PLCB1: variants seen among roughly 807,000 people sequenced by gnomAD.
PLCB1 encodes the protein phospholipase C beta 1.
PLCB1 carries 46 observed loss-of-function variants against 161.8 expected under a neutral mutation model. That is an observed-to-expected ratio of 0.28 (90% CI 0.22 to 0.36). The LOEUF is 0.36. Ranked by LOEUF, PLCB1 falls within the 10% of genes least tolerant of loss-of-function variation. PLCB1 has a pLI of 1.00. For missense variants in PLCB1, 1,016 were observed against 1,472.5 expected, an observed-to-expected ratio of 0.69 and a Z score of 5.07; for synonymous variants, 517 against 503.7, an observed-to-expected ratio of 1.03 and a Z score of -0.35.
chr20:8,715,463 C>G (rs1979254476), intron 12 of PLCB1, among the ~76,000 whole-genome samples: 1 of 152,206 alleles, frequency 6.6e-6, no homozygotes, highest in African/African-American at 2.4e-5. Context: ...CACCCTCTGT[C>G]CCTTTCCAAG....
At chr20:8,815,165 T>C (rs1444047255) in intron 31 of PLCB1, among the ~76,000 whole-genome samples, 1 of 152,218 alleles carries the variant, frequency 6.6e-6, no homozygotes, top group Non-Finnish European at 1.5e-5. Context: ...CCTTCCTTTA[T>C]TCATTTTCAG....
rs568050549 is a variant in PLCB1, at chr20:8,147,129, G to A, written c.100-3165G>A. Among the ~76,000 whole-genome samples the A allele has an allele frequency of 2.0e-5, 3 of 152,200 alleles. No homozygotes were observed. In the East Asian group the frequency reaches 5.8e-4, roughly 30 times the overall value. ...CCTACATCCGTGGTTTTGTAAGTGT[G>A]GCCCCTGGACCAACAGCATCAGCAT... On this transcript the variant is annotated intron_variant, in intron 1 of 31. Coordinates refer to ENST00000338037, the MANE Select transcript of PLCB1 (RefSeq NM_015192.4).
chr20:8,375,744 T>A (rs1237613899), intron 3 of PLCB1, among the ~76,000 whole-genome samples: 1 of 152,076 alleles, frequency 6.6e-6, no homozygotes, highest in Non-Finnish European at 1.5e-5. Flanking sequence ...TCTGCTGGCA[T>A]CTCTACTTCC....
chr20:8,497,786 G>A (rs1983238598), intron 3 of PLCB1, among the ~76,000 whole-genome samples: 2 of 152,122 alleles, frequency 1.3e-5, no homozygotes, highest in Admixed American at 1.3e-4. Flanking sequence ...TATGGAAAAG[G>A]TATCTAAATT....
At chr20:8,878,706 T>A (rs1396031740) in intron 31 of PLCB1, among the ~76,000 whole-genome samples, 1 of 152,150 alleles carries the variant, frequency 6.6e-6, no homozygotes, top group Non-Finnish European at 1.5e-5. Flanking sequence ...ATACCATTTT[T>A]ATTTTTATTT....
At chr20:8,720,200 G>A (rs1303719779) in intron 14 of PLCB1, among the ~76,000 whole-genome samples, 1 of 152,122 alleles carries the variant, frequency 6.6e-6, no homozygotes, top group African/African-American at 2.4e-5. Context: ...GGGTGCTTGT[G>A]TTTTTTACCA....
At chr20:8,184,083 C>T (rs1313509838) in intron 2 of PLCB1, among the ~76,000 whole-genome samples, 2 of 151,912 alleles carry the variant, frequency 1.3e-5, no homozygotes, top group Non-Finnish European at 2.9e-5. Flanking sequence ...AAATGGACTC[C>T]AGATACCTTC....
chr20:8,406,194 G>A (rs1269759665), intron 3 of PLCB1, among the ~76,000 whole-genome samples: 1 of 152,130 alleles, frequency 6.6e-6, no homozygotes, highest in African/African-American at 2.4e-5. Context: ...TATGTGGATA[G>A]AGTAATTGAA....
In PLCB1 at chr20:8,733,366, A is replaced by G. The variant is rs760229674; in HGVS notation, c.2017A>G (p.Ile673Val). The part of the protein sequence containing the change: ...DPFTEGIVDG[I>V]VANTLSVKII... ...ATTTACTGAAGGCATCGTAGATGGG[A>G]TAGTGGCAAACACTTTGTCTGTTAA... Residue 673 changes from isoleucine to valine, a missense_variant, in exon 19 of 32, where the codon ATA becomes GTA. Physicochemically the swap from Ile to Val is conservative, Grantham distance 29 (BLOSUM62 3). Transcript: ENST00000338037. 41 of 1,613,882 alleles carry G rather than the reference A, an allele frequency of 2.5e-5. No individual in the cohort carries two copies. The highest frequency in any genetic ancestry group is 3.5e-5 in the Non-Finnish European group (41 of 1,179,920).
intron 2 of PLCB1, among the ~76,000 whole-genome samples, chr20:8,216,833 G>A (rs1226456116): frequency 1.3e-5 from 2 of 152,128 alleles, no homozygotes; most frequent in East Asian, 1.9e-4. Context: ...AGTACATGGA[G>A]CTCTAAGTCT....
At chr20:8,800,993 T>A (rs1984254816) in intron 31 of PLCB1, among the ~76,000 whole-genome samples, 1 of 152,206 alleles carries the variant, frequency 6.6e-6, no homozygotes, top group Admixed American at 6.5e-5. Flanking sequence ...ATTCTCAACA[T>A]GTCACCCAGA....
intron 23 of PLCB1, among the ~76,000 whole-genome samples, chr20:8,744,616 T>TAAATTAAATTAAAATA (rs1981057558): frequency 8.2e-6 from 1 of 121,220 alleles, no homozygotes; most frequent in African/African-American, 3.2e-5. Flanking sequence ...AAAAATAAAA[T>TAAATTAAATTAAAATA]AAATAAAATA....
intron 8 of PLCB1, among the ~76,000 whole-genome samples, chr20:8,657,762 TAGA>T (rs1288922753): frequency 2.0e-5 from 3 of 151,892 alleles, no homozygotes; most frequent in African/African-American, 7.3e-5. Flanking sequence ...TTTGAAAGAT[TAGA>T]AGAAAAAAGG....
intron 2 of PLCB1, among the ~76,000 whole-genome samples, chr20:8,309,784 C>G (rs1367364258): frequency 1.3e-5 from 2 of 152,154 alleles, no homozygotes; most frequent in African/African-American, 4.8e-5. Flanking sequence ...ATTTGCATAC[C>G]AAACCAGGAC....
At chr20:8,149,782 A>G (rs73605839) in intron 1 of PLCB1, among the ~76,000 whole-genome samples, 8,785 of 152,208 alleles carry the variant, frequency 0.058, 832 homozygotes, top group African/African-American at 0.2. Flanking sequence ...AGCATGTAAA[A>G]TTGAAATTTG....
intron 2 of PLCB1, among the ~76,000 whole-genome samples, chr20:8,362,804 A>G (rs1250746621): frequency 2.0e-5 from 3 of 152,188 alleles, no homozygotes; most frequent in Non-Finnish European, 4.4e-5. Context: ...ACGTGAAAAA[A>G]GACTTAAGTG....
chr20:8,736,791 C>G (rs1369664034), intron 19 of PLCB1, among the ~76,000 whole-genome samples: 1 of 152,142 alleles, frequency 6.6e-6, no homozygotes, highest in Non-Finnish European at 1.5e-5. Flanking sequence ...AATCACCCTC[C>G]CCAAATATGT....
chr20:8,479,158 T>C (rs1206410975), intron 3 of PLCB1, among the ~76,000 whole-genome samples: 1 of 152,212 alleles, frequency 6.6e-6, no homozygotes, highest in Admixed American at 6.5e-5. Flanking sequence ...ATTATCAACT[T>C]TGCTTGTTTA....
At chr20:8,824,290 G>T (rs1985581798) in intron 31 of PLCB1, among the ~76,000 whole-genome samples, 1 of 152,022 alleles carries the variant, frequency 6.6e-6, no homozygotes, top group African/African-American at 2.4e-5. Flanking sequence ...AGGGGACATT[G>T]GGAAAAAGGG....
Sources: allele counts gnomAD v4.1 joint callset (sites outside exome capture counted in the v4.1 genomes callset), GRCh38; gene constraint gnomAD v4.1.1; transcripts MANE v1.5; gene names NCBI Gene and HGNC (gene_info 2026-07-23, HGNC 2026-07-21).